The following KRTAP9-1 variants were observed in gnomAD, a reference collection of about 807,000 sequenced individuals.
KRTAP9-1 encodes the protein keratin associated protein 9-1, also known as keratin-associated protein 9-1.
KRTAP9-1 carries 13 observed loss-of-function variants against 18.4 expected under a neutral mutation model. The ratio of observed to expected loss-of-function variants is 0.71; its 90% CI spans 0.46 to 1.12. The LOEUF is 1.12. KRTAP9-1 is among the 50% of genes most tolerant of loss of function. The pLI is 0.00. For missense variants in KRTAP9-1, 310 were observed against 310.6 expected, an observed-to-expected ratio of 1.00 and a Z score of 0.01; for synonymous variants, 122 against 108.8, an observed-to-expected ratio of 1.12 and a Z score of -0.75.
chr17:41,190,395 C>A lies in KRTAP9-1; in HGVS notation c.509C>A (p.Thr170Asn), dbSNP rs2015340479. 8 of 1,579,680 alleles carry A rather than the reference C, an allele frequency of 5.1e-6. No individual in the cohort carries two copies. Among genetic ancestry groups the A allele is most frequent in the Non-Finnish European group, 6.9e-6 (8 of 1,159,956 alleles). The change falls in exon 1 of 1, where the codon ACC becomes AAC. Residue 170 changes from threonine (T) to asparagine (N), a missense_variant. Physicochemically the swap from Thr to Asn is moderately conservative, Grantham distance 65 (BLOSUM62 0). Around this residue, in one of 3 missense-constraint regions of KRTAP9-1, gnomAD observed 130 missense variants for 103.4 expected, o/e 1.26. Coordinates refer to ENST00000398470, the MANE Select transcript of KRTAP9-1 (RefSeq NM_001190460.1). The part of the protein sequence containing the change: ...QPCCHPTCCQ[T>N]ICRSTCCQPS... ...TGCTGCCACCCAACATGCTGTCAAACCATTTGTAGATCCACCTGCTGCCAA... is the reference window on the plus strand; with the variant it reads ...TGCTGCCACCCAACATGCTGTCAAAACATTTGTAGATCCACCTGCTGCCAA...
Position 41,190,497 on chromosome 17 carries a change from C to T in KRTAP9-1, c.611C>T (p.Thr204Ile). The stretch of plus-strand genomic sequence containing the variant: ...GGTGGGTCCAGCTGCTGTAGCCAAA[C>T]CTGCAATGAGTCCAGCTATTGTCTG... ...TCGGSSCCSQ[T>I]CNESSYCLPC... Residue 204 changes from threonine (T) to isoleucine (I), a missense_variant, in exon 1 of 1, where the codon ACC (threonine) becomes ATC (isoleucine). Around this residue, in one of 3 missense-constraint regions of KRTAP9-1, gnomAD observed 130 missense variants for 103.4 expected, o/e 1.26. Transcript: ENST00000398470. The T allele has an allele frequency of 6.2e-7, 1 of 1,604,812 alleles. No individual in the cohort carries two copies. Among genetic ancestry groups the T allele is most frequent in the Non-Finnish European group, 8.5e-7 (1 of 1,175,436 alleles).
chr17:41,189,958 G>T lies in KRTAP9-1; in HGVS notation c.72G>T (p.Trp24Cys), dbSNP rs551235123. 43 of 1,612,468 alleles carry T rather than the reference G, an allele frequency of 2.7e-5. No homozygotes were observed. In the Admixed American group the frequency reaches 2.8e-4, roughly 11 times the overall value. Residue 24 changes from tryptophan to cysteine, a missense_variant, in exon 1 of 1, where the codon TGG becomes TGT. Around this residue, in one of 3 missense-constraint regions of KRTAP9-1, gnomAD observed 178 missense variants for 190.2 expected, o/e 0.94. Transcript: ENST00000398470. ...CCACCTGCTGCAGGACAACCTGCTG[G>T]AAGCCCACCACTGTGACCACCTGCA... ...CRTTCCRTTC[W>C]KPTTVTTCSS...
At chr17:41,190,245 AC>A (rs758212061) in intron 2 of KRTAP9-1, 9 of 1,214,060 alleles carry the variant, frequency 7.4e-6, no homozygotes, top group Non-Finnish European at 9.5e-6. Context: ...CCTTGCTGTC[AC>A]CCGACTTGCT....
rs753461666 is a variant in KRTAP9-1 at position 41,190,512 on chromosome 17, GCTATTGT to G, written c.242_248del (p.Tyr81CysfsTer?). The stretch of plus-strand genomic sequence containing the variant: ...TGTAGCCAAACCTGCAATGAGTCCA[GCTATTGT>G]CTGCCTTGCTGCCGTCCCACCTGCT... On this transcript the variant is annotated frameshift_variant, in exon 3 of 3. Coordinates refer to the KRTAP9-1 transcript ENST00000634358. LOFTEE classifies it high-confidence loss of function. The G allele has an allele frequency of 1.2e-6, 2 of 1,607,412 alleles. No homozygotes were observed. The highest frequency in any genetic ancestry group is 1.3e-5 in the African/African-American group (1 of 74,836).
At position 41,190,230 on chromosome 17, in the gene KRTAP9-1, G is replaced by A. The variant is rs749017430; in HGVS notation, c.344G>A (p.Cys115Tyr). The change falls in exon 1 of 1, where the codon TGT becomes TAT. Residue 115 changes from cysteine (C) to tyrosine (Y), a missense_variant. Around this residue, in one of 3 missense-constraint regions of KRTAP9-1, gnomAD observed 178 missense variants for 190.2 expected, o/e 0.94. Transcript: ENST00000398470. Reference protein sequence around the residue: ...CCQPICGSSCCQPCCHPTCYQ... With the variant: ...CCQPICGSSCYQPCCHPTCYQ... ...CAGCCTATTTGTGGGTCCAGTTGCT[G>A]TCAGCCTTGCTGTCACCCGACTTGC... The A allele has an allele frequency of 5.7e-6, 8 of 1,392,212 alleles. No homozygotes were observed. In the East Asian group the frequency reaches 2.4e-4, roughly 41 times the overall value. The allele number at this position is 1,392,212 out of a possible 1,614,324, so 86.2% of individuals were successfully genotyped here.
At position 41,190,555 on chromosome 17, in the gene KRTAP9-1, C is replaced by G; in HGVS notation, c.669C>G (p.Thr223=). ...PCCRPTCCQT[T]CYRTTCCRPS... ...GCCGTCCCACCTGCTGCCAGACCAC[C>G]TGCTACAGGACCACCTGTTGCCGCC... Residue 223 remains threonine, a synonymous_variant, in exon 1 of 1, where the codon ACC becomes ACG. Transcript: ENST00000398470. 6.2e-7 allele frequency: 1 copy of G among 1,611,512 alleles called. No individual in the cohort carries two copies. Among genetic ancestry groups the G allele is most frequent in the Non-Finnish European group, 8.5e-7 (1 of 1,178,762 alleles).
intron 2 of KRTAP9-1, chr17:41,190,412 TG>T: frequency 6.3e-7 from 1 of 1,589,654 alleles, no homozygotes; most frequent in African/African-American, 1.4e-5. Context: ...TAGATCCACC[TG>T]CTGCCAACCA....
chr17:41,190,230 G>C lies in KRTAP9-1; in HGVS notation c.344G>C (p.Cys115Ser). 1 of 1,392,212 alleles carries C rather than the reference G, an allele frequency of 7.2e-7. No homozygotes were observed. The highest frequency in any genetic ancestry group is 1.5e-5 in the South Asian group (1 of 68,778). The allele number at this position is 1,392,212 out of a possible 1,614,324, so 86.2% of individuals were successfully genotyped here. A position where few individuals can be genotyped will look rare whatever the true frequency, so the allele number is the denominator to read the frequency against. Residue 115 changes from cysteine to serine, a missense_variant, in exon 1 of 1, where the codon TGT (cysteine) becomes TCT (serine). By Grantham distance (112) the Cys-to-Ser change is moderately radical. Transcript: ENST00000398470. ...CAGCCTATTTGTGGGTCCAGTTGCT[G>C]TCAGCCTTGCTGTCACCCGACTTGC... Reference protein sequence around the residue: ...CCQPICGSSCCQPCCHPTCYQ... With the variant: ...CCQPICGSSCSQPCCHPTCYQ...
chr17:41,190,516 T>C lies in KRTAP9-1; in HGVS notation c.630T>C (p.Tyr210=). Residue 210 remains tyrosine, a synonymous_variant, in exon 1 of 1, where the codon TAT becomes TAC. Transcript: ENST00000398470. ...CCSQTCNESS[Y]CLPCCRPTCC... Reference sequence around the variant, plus strand: ...GCCAAACCTGCAATGAGTCCAGCTATTGTCTGCCTTGCTGCCGTCCCACCT... The same window carrying C: ...GCCAAACCTGCAATGAGTCCAGCTACTGTCTGCCTTGCTGCCGTCCCACCT... 6.2e-7 allele frequency: 1 copy of C among 1,606,696 alleles called. No individual in the cohort carries two copies.
At position 41,190,191 on chromosome 17, in the gene KRTAP9-1, G is replaced by T; in HGVS notation, c.305G>T (p.Gly102Val). ...GSSCCGQTSC[G>V]SSCCQPICGS... ...AGCTGCTGTGGCCAAACCAGCTGTGGGTCCAGCTGCTGTCAGCCTATTTGT... is the reference window on the plus strand; with the variant it reads ...AGCTGCTGTGGCCAAACCAGCTGTGTGTCCAGCTGCTGTCAGCCTATTTGT... The change falls in exon 1 of 1, where the codon GGG (glycine) becomes GTG (valine). Residue 102 changes from glycine to valine, a missense_variant. Physicochemically the swap from Gly to Val is moderately radical, Grantham distance 109. Transcript: ENST00000398470. The T allele has an allele frequency of 2.0e-6, 3 of 1,523,990 alleles. No homozygotes were observed. The highest frequency in any genetic ancestry group is 5.1e-5 in the East Asian group (2 of 39,354). 94.4% of individuals were successfully genotyped at this position (1,523,990 alleles called of 1,614,324 possible).
chr17:41,190,423 A>T lies in KRTAP9-1; in HGVS notation c.537A>T (p.Pro179=), dbSNP rs1349382986. The part of the protein sequence containing the change: ...QTICRSTCCQ[P]SCVTRCCSTP... ...TTTGTAGATCCACCTGCTGCCAACC[A>T]TCCTGTGTGACCAGATGCTGCAGCA... The change falls in exon 1 of 1, where the codon CCA becomes CCT. Residue 179 remains proline, a synonymous_variant. Coordinates refer to ENST00000398470, the MANE Select transcript of KRTAP9-1 (RefSeq NM_001190460.1). The T allele has an allele frequency of 6.5e-7, 1 of 1,530,582 alleles. No individual in the cohort carries two copies. Among genetic ancestry groups the T allele is most frequent in the African/African-American group, 1.6e-5 (1 of 61,878 alleles). 94.8% of individuals were successfully genotyped at this position (1,530,582 alleles called of 1,614,324 possible). A position where few individuals can be genotyped will look rare whatever the true frequency, so the allele number is the denominator to read the frequency against.
In KRTAP9-1 at chr17:41,190,472, G is replaced by C. The variant is rs773527424; in HGVS notation, c.586G>C (p.Gly196Arg). ...CACACCCTGTTGCCAGCCAACCTGT[G>C]GTGGGTCCAGCTGCTGTAGCCAAAC... ...CSTPCCQPTC[G>R]GSSCCSQTCN... Residue 196 changes from glycine (G) to arginine (R), a missense_variant, in exon 1 of 1, where the codon GGT (glycine) becomes CGT (arginine). Around this residue, in one of 3 missense-constraint regions of KRTAP9-1, gnomAD observed 130 missense variants for 103.4 expected, o/e 1.26. Transcript: ENST00000398470. The C allele has an allele frequency of 1.6e-5, 25 of 1,595,936 alleles. No individual in the cohort carries two copies. Among genetic ancestry groups the C allele is most frequent in the Non-Finnish European group, 2.0e-5 (24 of 1,172,568 alleles).
Position 41,190,300 on chromosome 17 carries a change from C to G in KRTAP9-1, c.414C>G (p.Cys138Trp), listed in dbSNP as rs1639124. ...GGACCACCTGCTGCCAGCCTACCTG[C>G]TGCCAGCCCACCTGCTGCAGGAACA... ...CFRTTCCQPTCCQPTCCRNTS... is the reference protein window; with the variant it reads ...CFRTTCCQPTWCQPTCCRNTS... The change falls in exon 1 of 1, where the codon TGC (cysteine) becomes TGG (tryptophan). Residue 138 changes from cysteine to tryptophan, a missense_variant. This residue lies in a region of KRTAP9-1 where 178 missense variants were observed against 190.2 expected (regional missense o/e 0.94). Transcript: ENST00000398470. 1 of 1,407,556 alleles carries G rather than the reference C, an allele frequency of 7.1e-7. No individual in the cohort carries two copies. Among genetic ancestry groups the G allele is most frequent in the Non-Finnish European group, 9.5e-7 (1 of 1,047,572 alleles). The allele number at this position is 1,407,556 out of a possible 1,614,324, so 87.2% of individuals were successfully genotyped here.
At position 41,190,467 on chromosome 17, in the gene KRTAP9-1, C is replaced by T. The variant is rs749470284; in HGVS notation, c.581C>T (p.Thr194Ile). The change falls in exon 1 of 1, where the codon ACC (threonine) becomes ATC (isoleucine). Residue 194 changes from threonine to isoleucine, a missense_variant. Thr to Ile is a moderately conservative substitution (Grantham distance 89). Transcript: ENST00000398470. ...RCCSTPCCQPTCGGSSCCSQT... is the reference protein window; with the variant it reads ...RCCSTPCCQPICGGSSCCSQT... ...TGCAGCACACCCTGTTGCCAGCCAA[C>T]CTGTGGTGGGTCCAGCTGCTGTAGC... The T allele has an allele frequency of 1.9e-6, 3 of 1,600,836 alleles. No homozygotes were observed. The highest frequency in any genetic ancestry group is 1.7e-5 in the Admixed American group (1 of 57,274).
At position 41,190,077 on chromosome 17, in the gene KRTAP9-1, C is replaced by T; in HGVS notation, c.191C>T (p.Thr64Ile). ...TGCTGTCAAAACACCTGCTGCAGGA[C>T]CACCTGCTGCCAGCCCACTTGTGTG... ...PTCCQNTCCR[T>I]TCCQPTCVAS... Residue 64 changes from threonine to isoleucine, a missense_variant, in exon 1 of 1, where the codon ACC becomes ATC. By Grantham distance (89) the Thr-to-Ile change is moderately conservative. Transcript: ENST00000398470. The T allele has an allele frequency of 1.2e-6, 2 of 1,613,618 alleles. No individual in the cohort carries two copies. The highest frequency in any genetic ancestry group is 1.7e-6 in the Non-Finnish European group (2 of 1,179,748).
At position 41,190,065 on chromosome 17, in the gene KRTAP9-1, C is replaced by A. The variant is rs1236748553; in HGVS notation, c.179C>A (p.Thr60Asn). 11 of 1,612,656 alleles carry A rather than the reference C, an allele frequency of 6.8e-6. No homozygotes were observed. The highest frequency in any genetic ancestry group is 9.3e-6 in the Non-Finnish European group (11 of 1,179,544). The change falls in exon 1 of 1, where the codon ACC becomes AAC. Residue 60 changes from threonine (T) to asparagine (N), a missense_variant. By Grantham distance (65) the Thr-to-Asn change is moderately conservative. Around this residue, in one of 3 missense-constraint regions of KRTAP9-1, gnomAD observed 178 missense variants for 190.2 expected, o/e 0.94. Coordinates refer to ENST00000398470, the MANE Select transcript of KRTAP9-1 (RefSeq NM_001190460.1). ...TGCCACCCAACTTGCTGTCAAAACACCTGCTGCAGGACCACCTGCTGCCAG... is the reference window on the plus strand; with the variant it reads ...TGCCACCCAACTTGCTGTCAAAACAACTGCTGCAGGACCACCTGCTGCCAG... ...PCCHPTCCQNTCCRTTCCQPT... is the reference protein window; with the variant it reads ...PCCHPTCCQNNCCRTTCCQPT...
rs1360020549 is a variant in KRTAP9-1 at position 41,190,597 on chromosome 17, T to A, written c.711T>A (p.Ser237Arg). The A allele has an allele frequency of 6.2e-7, 1 of 1,604,218 alleles. No individual in the cohort carries two copies. Among genetic ancestry groups the A allele is most frequent in the African/African-American group, 1.3e-5 (1 of 74,162 alleles). ...GTTGCCGCCCCAGCTGTTGCTGCAG[T>A]CCTTGCTGTGTCTCCAGCTGCTGCC... is the stretch of plus-strand genomic sequence containing the variant. ...TTCCRPSCCC[S>R]PCCVSSCCQP... The change falls in exon 1 of 1, where the codon AGT becomes AGA. Residue 237 changes from serine to arginine, a missense_variant. Around this residue, in one of 3 missense-constraint regions of KRTAP9-1, gnomAD observed 130 missense variants for 103.4 expected, o/e 1.26. Transcript: ENST00000398470.
At position 41,190,235 on chromosome 17, in the gene KRTAP9-1, C is replaced by G. The variant is rs768641991; in HGVS notation, c.349C>G (p.Pro117Ala). 7 of 1,243,938 alleles carry G rather than the reference C, an allele frequency of 5.6e-6. No individual in the cohort carries two copies. In the South Asian group the frequency reaches 9.3e-5, roughly 16 times the overall value. The allele number at this position is 1,243,938 out of a possible 1,614,324, so 77.1% of individuals were successfully genotyped here. Residue 117 changes from proline to alanine, a missense_variant, in exon 1 of 1, where the codon CCT becomes GCT. Coordinates refer to ENST00000398470, the MANE Select transcript of KRTAP9-1 (RefSeq NM_001190460.1). ...QPICGSSCCQPCCHPTCYQTI... is the reference protein window; with the variant it reads ...QPICGSSCCQACCHPTCYQTI... ...TATTTGTGGGTCCAGTTGCTGTCAG[C>G]CTTGCTGTCACCCGACTTGCTATCA...
At position 41,190,254 on chromosome 17, in the gene KRTAP9-1, G is replaced by C; in HGVS notation, c.368G>C (p.Cys123Ser). ...TGTCAGCCTTGCTGTCACCCGACTT[G>C]CTATCAAACTATCTGCTTCAGGACC... is the stretch of plus-strand genomic sequence containing the variant. ...SCCQPCCHPT[C>S]YQTICFRTTC... The change falls in exon 1 of 1, where the codon TGC becomes TCC. Residue 123 changes from cysteine to serine, a missense_variant. Cys to Ser is a moderately radical substitution (Grantham distance 112). Transcript: ENST00000398470. The C allele has an allele frequency of 1.4e-6, 2 of 1,381,940 alleles. No individual in the cohort carries two copies. Among genetic ancestry groups the C allele is most frequent in the Non-Finnish European group, 1.9e-6 (2 of 1,041,066 alleles). 85.6% of individuals were successfully genotyped at this position (1,381,940 alleles called of 1,614,324 possible).
Sources: gnomAD v4.1 joint callset for allele counts on GRCh38, gnomAD v4.1.1 for gene constraint, gnomAD v4.1.1 regional missense constraint, MANE v1.5 for transcripts, NCBI Gene and HGNC (gene_info 2026-07-23, HGNC 2026-07-21) for gene names.